The following LIFR variants were observed in gnomAD, a reference collection of about 807,000 sequenced individuals.
LIFR encodes the protein LIF receptor subunit alpha.
LIFR carries 84 observed loss-of-function variants against 122.2 expected under a neutral mutation model. The ratio of observed to expected loss-of-function variants is 0.69; its 90% confidence interval spans 0.58 to 0.82. The LOEUF is 0.82. Among genes scored for constraint, LIFR ranks in the 40% least tolerant of loss-of-function variants. LIFR has a pLI of 0.00. For missense variants in LIFR, 1,294 were observed against 1,311.6 expected, an observed-to-expected ratio of 0.99 and a Z score of 0.21; for synonymous variants, 422 against 434.7, an observed-to-expected ratio of 0.97 and a Z score of 0.36.
chr5:38,493,760 A>C lies in LIFR; in HGVS notation c.1911T>G (p.Val637=), dbSNP rs950477582. 5 of 1,614,020 alleles carry C rather than the reference A, an allele frequency of 3.1e-6. No homozygotes were observed. In the African/African-American group the frequency reaches 6.7e-5, roughly 22 times the overall value. ...TGAGGAGAATCCCCTTTCCCATCCC[A>C]ACAACTTGTTCTATTTTGAGATCAT... ...PNDDLKIEQV[V]GMGKGILLTW... is the part of the protein sequence containing the mutation. The change falls in exon 14 of 20, where the codon GTT becomes GTG. Residue 637 remains valine (V), a synonymous_variant. Transcript: ENST00000453190.
intron 1 of LIFR, among the ~76,000 whole-genome samples, chr5:38,540,344 G>C (rs1747523984): frequency 1.3e-5 from 2 of 152,204 alleles, no homozygotes; most frequent in Non-Finnish European, 1.5e-5. Context: ...CCCCCGACCT[G>C]TCCGGTGAAT....
intron 13 of LIFR, among the ~76,000 whole-genome samples, chr5:38,494,191 T>C (rs1396279886): frequency 1.3e-5 from 2 of 152,112 alleles, no homozygotes; most frequent in Admixed American, 1.3e-4. Context: ...TATGAATGCG[T>C]GCAGAGAACA....
intron 1 of LIFR, among the ~76,000 whole-genome samples, chr5:38,572,070 G>C (rs1180121120): frequency 6.6e-6 from 1 of 152,062 alleles, no homozygotes; most frequent in Admixed American, 6.5e-5. Flanking sequence ...ATTCAAAATC[G>C]TCTGTATAAG....
intron 1 of LIFR, among the ~76,000 whole-genome samples, chr5:38,544,957 T>C (rs928759127): frequency 3.3e-5 from 5 of 152,170 alleles, no homozygotes; most frequent in African/African-American, 1.2e-4. Context: ...CCATGGAAGA[T>C]TATTAATATA....
intron 1 of LIFR, among the ~76,000 whole-genome samples, chr5:38,569,535 C>T (rs1749140417): frequency 6.6e-6 from 1 of 152,182 alleles, no homozygotes; most frequent in Admixed American, 6.5e-5. Flanking sequence ...AGGTTGCATA[C>T]TCCTTATGAG....
intron 5 of LIFR, among the ~76,000 whole-genome samples, chr5:38,519,704 G>A (rs927168764): frequency 6.6e-6 from 1 of 152,082 alleles, no homozygotes; most frequent in African/African-American, 2.4e-5. Flanking sequence ...GTCTCCATGA[G>A]TGAGTGAGAA....
intron 1 of LIFR, among the ~76,000 whole-genome samples, chr5:38,567,574 G>A (rs974581420): frequency 2.0e-5 from 3 of 149,586 alleles, no homozygotes; most frequent in Non-Finnish European, 4.4e-5. Flanking sequence ...CTGTTGCCCA[G>A]GCTGGAGTGC....
intron 16 of LIFR, among the ~76,000 whole-genome samples, chr5:38,487,679 T>C (rs1210296296): frequency 1.3e-5 from 2 of 152,206 alleles, no homozygotes; most frequent in Non-Finnish European, 2.9e-5. Flanking sequence ...ACTGAACTCA[T>C]CTATTTTCAG....
intron 11 of LIFR, among the ~76,000 whole-genome samples, chr5:38,501,120 G>C (rs769194015): frequency 6.6e-6 from 1 of 152,164 alleles, no homozygotes; most frequent in Non-Finnish European, 1.5e-5. Context: ...CAGCTAAGCT[G>C]CTCCTGGATT....
At chr5:38,520,974 T>C (rs1475799371) in intron 5 of LIFR, among the ~76,000 whole-genome samples, 1 of 152,208 alleles carries the variant, frequency 6.6e-6, no homozygotes, top group Admixed American at 6.5e-5. Context: ...CTGTGGAAAA[T>C]GACATTGGCA....
intron 9 of LIFR, 62 bp from the exon 10 acceptor site, chr5:38,504,183 G>A (rs1745329259): frequency 8.8e-7 from 1 of 1,142,656 alleles, no homozygotes; most frequent in East Asian, 2.4e-5. Flanking sequence ...CTTCTAATAT[G>A]ACAAATGAGA....
At position 38,510,830 on chromosome 5, in the gene LIFR, A is replaced by G. The variant is rs1038697676; in HGVS notation, c.737-112T>C. ...GATGACTTTTAAAATAGCCCAGTAT[A>G]TACACTACAAACTGTTAGGTGCTTT... On this transcript the variant is annotated intron_variant, in intron 6 of 19. Coordinates refer to ENST00000453190, the MANE Select transcript of LIFR (RefSeq NM_001127671.2). 6 of 823,296 alleles carry G rather than the reference A, an allele frequency of 7.3e-6. No homozygotes were observed. The Admixed American group carries it at 1.2e-4, about 17-fold the overall frequency. 51.0% of individuals were successfully genotyped at this position (823,296 alleles called of 1,614,324 possible). A position where few individuals can be genotyped will look rare whatever the true frequency, so the allele number is the denominator to read the frequency against.
chr5:38,529,745 ATGTTTT>A (rs1327221142), intron 2 of LIFR, among the ~76,000 whole-genome samples: 3 of 152,200 alleles, frequency 2.0e-5, no homozygotes, highest in African/African-American at 7.2e-5. Context: ...TTTATGAAAA[ATGTTTT>A]TGTTTTTGTA....
chr5:38,600,667 C>T (rs1057499762), intron 2 of LIFR, among the ~76,000 whole-genome samples: 3 of 152,198 alleles, frequency 2.0e-5, no homozygotes, highest in African/African-American at 7.2e-5. Context: ...CTTTCAGCCT[C>T]CCTTCCTGGC....
upstream of LIFR, among the ~76,000 whole-genome samples, chr5:38,596,169 A>T (rs1227941915): frequency 6.6e-6 from 1 of 151,966 alleles, no homozygotes; most frequent in Non-Finnish European, 1.5e-5. Context: ...AATTTGTACC[A>T]CTCCTTTATA....
intron 1 of LIFR, among the ~76,000 whole-genome samples, chr5:38,573,847 G>A (rs535696238): frequency 2.6e-4 from 40 of 152,174 alleles, no homozygotes; most frequent in Non-Finnish European, 4.1e-4. Flanking sequence ...GGCTGGGTGC[G>A]GTGGCTCACA....
Position 38,502,665 on chromosome 5 carries a change from A to ATTGCTCCAT in LIFR, c.1563_1571dup (p.Lys521_Ser523dup), listed in dbSNP as rs762664744. 40 of 1,613,478 alleles carry ATTGCTCCAT rather than the reference A, an allele frequency of 2.5e-5. No homozygotes were observed. Among genetic ancestry groups the ATTGCTCCAT allele is most frequent in the Non-Finnish European group, 3.1e-5 (37 of 1,179,556 alleles). ...CTTCTGTTGTTAAATGTTGTTTTTT[A>ATTGCTCCAT]TTGCTCCATTTGCTCCATTTCCAGA... On this transcript the variant is annotated inframe_insertion, in exon 11 of 20. Transcript: ENST00000453190.
At chr5:38,529,923 T>C (rs1426367617) in intron 2 of LIFR, among the ~76,000 whole-genome samples, 1 of 152,164 alleles carries the variant, frequency 6.6e-6, no homozygotes, top group Non-Finnish European at 1.5e-5. Flanking sequence ...TATTTAAATA[T>C]GGAAATAATA....
rs573530799 is a variant in LIFR at position 38,604,915 on chromosome 5, G to A, written n.305+1290C>T. Among the ~76,000 whole-genome samples, 25 of 152,222 alleles carry A rather than the reference G, an allele frequency of 1.6e-4. 1 individual carries two copies. The South Asian group carries it at 5.2e-3, about 32-fold the overall frequency. On this transcript the variant is annotated intron_variant and non_coding_transcript_variant, in intron 2 of 3. Coordinates refer to the LIFR transcript ENST00000507786. ...AAGACAACTCAAAGGGAGAGGGGCA[G>A]CTTCCAGGTCATAGGTAAATTTAAG...
Sources: gnomAD v4.1 joint callset for allele counts (sites outside exome capture counted in the v4.1 genomes callset) on GRCh38, gnomAD v4.1.1 for gene constraint, MANE v1.5 for transcripts, NCBI Gene and HGNC (gene_info 2026-07-23, HGNC 2026-07-21) for gene names.